The following BDP1 variants were observed in gnomAD, a reference collection of about 807,000 sequenced individuals.
BDP1 encodes BDP1 general transcription factor IIIB subunit, also known as transcription factor TFIIIB component B'' homolog.
A neutral mutation model predicts 266.6 loss-of-function variants in BDP1; 169 were observed. The ratio of observed to expected loss-of-function variants is 0.63; its 90% CI spans 0.56 to 0.72. The LOEUF is 0.72. Among genes scored for constraint, BDP1 ranks in the 30% least tolerant of loss-of-function variants. BDP1 has a pLI of 0.00. For missense variants in BDP1, 3,015 were observed against 3,053.8 expected (o/e 0.99, Z 0.30); for synonymous variants, 1,090 against 1,022.4 (o/e 1.07, Z -1.26).
intron 26 of BDP1, among the ~76,000 whole-genome samples, chr5:71,533,436 CTTG>C (rs1766378517): frequency 6.8e-6 from 1 of 147,816 alleles, no homozygotes; most frequent in Non-Finnish European, 1.5e-5. Flanking sequence ...CTTGCCGGCA[CTTG>C]TTATTTCACT....
intron 22 of BDP1, among the ~76,000 whole-genome samples, chr5:71,518,900 A>T (rs975928902): frequency 6.7e-6 from 1 of 149,264 alleles, no homozygotes; most frequent in Non-Finnish European, 1.5e-5. Flanking sequence ...GCTCATTGCA[A>T]CCTTCGCCTC....
chr5:71,502,714 AAAG>A lies in BDP1; in HGVS notation c.2167_2169del (p.Glu723del), dbSNP rs1561716249. 2 of 1,613,974 alleles carry A rather than the reference AAAG, an allele frequency of 1.2e-6. No individual in the cohort carries two copies. Among genetic ancestry groups the A allele is most frequent in the Admixed American group, 1.7e-5 (1 of 59,982 alleles). On this transcript the variant is annotated inframe_deletion, in exon 15 of 39. Coordinates refer to ENST00000358731, the MANE Select transcript of BDP1 (RefSeq NM_018429.3). Reference sequence around the variant, plus strand: ...AAATGCAGGTAAAGCTGCTGAAAGAAAAGAAATTCTCATATCACAGGAAGAAAT... The same window carrying A: ...AAATGCAGGTAAAGCTGCTGAAAGAAAAATTCTCATATCACAGGAAGAAAT...
chr5:71,508,829 T>TA (rs1764732728), intron 16 of BDP1, among the ~76,000 whole-genome samples: 1 of 152,218 alleles, frequency 6.6e-6, no homozygotes, highest in South Asian at 2.1e-4. Flanking sequence ...TTGCTTTGGA[T>TA]AGTGGTTGTG....
intron 32 of BDP1, among the ~76,000 whole-genome samples, chr5:71,547,446 G>A (rs576861760): frequency 7.2e-5 from 11 of 152,078 alleles, no homozygotes; most frequent in Non-Finnish European, 1.6e-4. Flanking sequence ...CATAATGTCA[G>A]TTTGTCCCAT....
chr5:71,463,467 C>T (rs1050356110), intron 3 of BDP1, among the ~76,000 whole-genome samples: 20 of 152,182 alleles, frequency 1.3e-4, no homozygotes, highest in African/African-American at 4.1e-4. Context: ...GACAAGTCAC[C>T]TAAGTAAGCT....
intron 13 of BDP1, among the ~76,000 whole-genome samples, chr5:71,499,607 G>A (rs1006402401): frequency 6.6e-6 from 1 of 151,906 alleles, no homozygotes; most frequent in African/African-American, 2.4e-5. Context: ...GCAACAGAGC[G>A]AAACTCTGTC....
At chr5:71,473,002 C>T (rs1327367103) in intron 7 of BDP1, among the ~76,000 whole-genome samples, 1 of 148,628 alleles carries the variant, frequency 6.7e-6, no homozygotes, top group African/African-American at 2.5e-5. Context: ...CCCACCTCAG[C>T]CTCCTGAGTA....
intron 7 of BDP1, among the ~76,000 whole-genome samples, chr5:71,481,668 T>A (rs1389622429): frequency 1.3e-5 from 2 of 152,232 alleles, no homozygotes; most frequent in South Asian, 2.1e-4. Flanking sequence ...TTGAGGCAGA[T>A]CTAGACTGGT....
chr5:71,552,540 G>A (rs1421740178), intron 34 of BDP1, among the ~76,000 whole-genome samples: 4 of 152,260 alleles, frequency 2.6e-5, no homozygotes, highest in African/African-American at 9.6e-5. Flanking sequence ...ATTGAGCACT[G>A]AGTGAACAAG....
chr5:71,562,364 A>G lies in BDP1; in HGVS notation c.7587A>G (p.Lys2529=), dbSNP rs898595342. 3 of 1,613,840 alleles carry G rather than the reference A, an allele frequency of 1.9e-6. No homozygotes were observed. Among genetic ancestry groups the G allele is most frequent in the East Asian group, 2.2e-5 (1 of 44,848 alleles). The change falls in exon 38 of 39, where the codon AAA becomes AAG. Residue 2529 remains lysine, a synonymous_variant. Transcript: ENST00000358731. ...AACCTATGCAAGTCCATAGTAAGAA[A>G]CGCCTAAAACCTCTTATACCTGGAT... is the stretch of plus-strand genomic sequence containing the variant. ...SDEPMQVHSK[K]RLKPLIPGLR...
chr5:71,476,502 T>G (rs1328240138), intron 7 of BDP1, among the ~76,000 whole-genome samples: 1 of 151,716 alleles, frequency 6.6e-6, no homozygotes, highest in African/African-American at 2.4e-5. Context: ...TATTTGTTTG[T>G]TTTTTCCATA....
rs888998778 is a variant in BDP1 at position 71,521,861 on chromosome 5, G to A, written c.4992-428G>A. Among the ~76,000 whole-genome samples, 11 of 152,102 alleles carry A rather than the reference G, an allele frequency of 7.2e-5. No homozygotes were observed. The South Asian group carries it at 2.3e-3, about 32-fold the overall frequency. ...AGTCTACTTTAGAACTAGAAGTATC[G>A]AGTTGGTTATAACTGTCATATATTT... is the stretch of plus-strand genomic sequence containing the variant. On this transcript the variant is annotated intron_variant, in intron 22 of 38. Transcript: ENST00000358731.
At chr5:71,517,592 G>A in intron 22 of BDP1, 140 bp downstream of exon 22, 1 of 689,568 alleles carries the variant, frequency 1.5e-6, no homozygotes, top group East Asian at 3.1e-5. Context: ...TGATACTAGA[G>A]TCTTTTAAAT....
At chr5:71,464,146 A>C (rs756724180) in intron 4 of BDP1, 29 bp downstream of exon 4, 1 of 1,340,608 alleles carries the variant, frequency 7.5e-7, no homozygotes, top group Non-Finnish European at 1.0e-6. Context: ...AATATATTCT[A>C]TTCCTACATT....
At chr5:71,499,336 G>C (rs1171554808) in intron 13 of BDP1, among the ~76,000 whole-genome samples, 1 of 152,140 alleles carries the variant, frequency 6.6e-6, no homozygotes, top group Non-Finnish European at 1.5e-5. Context: ...ACCTTTTTCA[G>C]CTGACCACGG....
intron 1 of BDP1, 137 bp downstream of exon 1, chr5:71,456,226 C>T (rs1761177908): frequency 3.8e-6 from 3 of 791,866 alleles, no homozygotes; most frequent in African/African-American, 3.5e-5. Context: ...TTGATGAAAC[C>T]ACTCCAAACT....
At chr5:71,563,841 G>A (rs1323819190) in intron 38 of BDP1, among the ~76,000 whole-genome samples, 1 of 152,198 alleles carries the variant, frequency 6.6e-6, no homozygotes, top group African/African-American at 2.4e-5. Context: ...GAACCCGGGA[G>A]GTGGAGGTTG....
chr5:71,459,597 G>A (rs929344625), intron 2 of BDP1, among the ~76,000 whole-genome samples: 1 of 152,152 alleles, frequency 6.6e-6, no homozygotes, highest in African/African-American at 2.4e-5. Context: ...AAAAATTTGT[G>A]TTATGCATAT....
intron 16 of BDP1, among the ~76,000 whole-genome samples, chr5:71,508,152 A>G (rs1418906615): frequency 2.0e-5 from 3 of 152,088 alleles, no homozygotes; most frequent in African/African-American, 7.2e-5. Flanking sequence ...TTGAGTAGAG[A>G]CAGGGTTTCA....
Sources: allele counts gnomAD v4.1 joint callset (sites outside exome capture counted in the v4.1 genomes callset), GRCh38; gene constraint gnomAD v4.1.1; transcripts MANE v1.5; gene names NCBI Gene and HGNC (gene_info 2026-07-23, HGNC 2026-07-21).